ZNF638: variants seen among roughly 807,000 people sequenced by gnomAD.
ZNF638 encodes the protein zinc finger protein 638, also known as CTCL tumor antigen se33-1.
In ZNF638, 46 loss-of-function variants were observed where a neutral mutation model predicts 195.6. The observed-to-expected ratio is 0.24, with a 90% CI of 0.19 to 0.30. The LOEUF is 0.30. ZNF638 is among the 10% of genes least tolerant of loss of function. The pLI, the probability that ZNF638 is intolerant of heterozygous loss-of-function variation, is 1.00. For missense variants in ZNF638, 2,440 were observed against 2,325.3 expected (o/e 1.05, Z -1.01); for synonymous variants, 845 against 772.0 (o/e 1.09, Z -1.57).
chr2:71,335,246 G>GAGA (rs890469592), intron 1 of ZNF638, among the ~76,000 whole-genome samples: 9 of 151,992 alleles, frequency 5.9e-5, no homozygotes, highest in Admixed American at 1.3e-4. Flanking sequence ...TTGCTGTATT[G>GAGA]CCCAGGCTGG....
chr2:71,427,510 C>CAA, intron 24 of ZNF638, 96 bp downstream of exon 24: 1 of 918,406 alleles, frequency 1.1e-6, no homozygotes, highest in Non-Finnish European at 1.5e-6. Flanking sequence ...AATAATGTCA[C>CAA]CCAGTATTGA....
intron 10 of ZNF638, 23 bp downstream of exon 10, chr2:71,380,588 C>T: frequency 6.3e-7 from 1 of 1,575,510 alleles, no homozygotes. Flanking sequence ...TTTTAATATT[C>T]TTTCAAATGA....
At chr2:71,388,359 T>TGACTTTTGATCATCC (rs2079689375) in intron 10 of ZNF638, 2 of 569,620 alleles carry the variant, frequency 3.5e-6, no homozygotes, top group Non-Finnish European at 6.5e-6. Flanking sequence ...TTTGATCATC[T>TGACTTTTGATCATCC]GACCTTTGAT....
chr2:71,398,651 G>A, intron 11 of ZNF638, 50 bp from the exon 12 acceptor site: 1 of 1,389,488 alleles, frequency 7.2e-7, no homozygotes, highest in Non-Finnish European at 1.0e-6. Context: ...TTTGGAGATT[G>A]TTGATACTAG....
Position 71,396,206 on chromosome 2 carries a change from T to G in ZNF638, c.2428+15T>G. On this transcript the variant is annotated intron_variant, in intron 11 of 27. Transcript: ENST00000264447. ...CAAATCTACAGGTATGTTTTTTTAA[T>G]TAGGATTCTAGACTATTAGTTAAAA... 1 of 1,607,086 alleles carries G rather than the reference T, an allele frequency of 6.2e-7. No homozygotes were observed. The highest frequency in any genetic ancestry group is 8.5e-7 in the Non-Finnish European group (1 of 1,176,544).
intron 3 of ZNF638, among the ~76,000 whole-genome samples, chr2:71,356,278 T>A (rs1407182417): frequency 6.6e-6 from 1 of 152,172 alleles, no homozygotes; most frequent in Non-Finnish European, 1.5e-5. Flanking sequence ...TCCCCCTTTT[T>A]CTTCTTAAAG....
Position 71,426,629 on chromosome 2 carries a change from C to T in ZNF638, c.4760C>T (p.Ser1587Phe), listed in dbSNP as rs776970149. The change falls in exon 24 of 28, where the codon TCC (serine) becomes TTC (phenylalanine). Residue 1587 changes from serine to phenylalanine, a missense_variant. By Grantham distance (155) the Ser-to-Phe change is radical (BLOSUM62 -2). Around this residue, in one of 5 missense-constraint regions of ZNF638, gnomAD observed 1,883 missense variants for 1,739.1 expected, o/e 1.08. Coordinates refer to ENST00000264447, the MANE Select transcript of ZNF638 (RefSeq NM_014497.5). ...LNLKKKKGKT[S>F]TPRGVEGELS... ...TTAAAGAAGAAAAAGGGGAAAACTT[C>T]CACTCCTCGTGGTGTTGAGGGAGAA... 3 of 1,614,138 alleles carry T rather than the reference C, an allele frequency of 1.9e-6. No homozygotes were observed. The highest frequency in any genetic ancestry group is 4.5e-5 in the East Asian group (2 of 44,874).
chr2:71,433,427 A>G, intron 27 of ZNF638, 144 bp downstream of exon 27: 1 of 617,530 alleles, frequency 1.6e-6, no homozygotes, highest in Non-Finnish European at 2.8e-6. Context: ...TTTCTCCTTC[A>G]GTGTACCTTG....
Position 71,423,198 on chromosome 2 carries a change from T to C in ZNF638, c.3684T>C (p.Ser1228=). 1 of 1,614,072 alleles carries C rather than the reference T, an allele frequency of 6.2e-7. No homozygotes were observed. Among genetic ancestry groups the C allele is most frequent in the South Asian group, 1.1e-5 (1 of 91,076 alleles). Residue 1228 remains serine, a synonymous_variant, in exon 22 of 28, where the codon AGT becomes AGC. Coordinates refer to ENST00000264447, the MANE Select transcript of ZNF638 (RefSeq NM_014497.5). ...NPKTALLPSD[S]VFAEERNLKG... ...AAACAGCATTGTTACCATCTGACAG[T>C]GTGTTTGCAGAAGAAAGGAACCTCA...
chr2:71,342,278 A>G (rs968401524), intron 1 of ZNF638, among the ~76,000 whole-genome samples: 8 of 151,210 alleles, frequency 5.3e-5, no homozygotes, highest in African/African-American at 1.9e-4. Flanking sequence ...TATTTTGGAA[A>G]TCTTCAGAAA....
chr2:71,387,152 A>T (rs1259116367), intron 10 of ZNF638, among the ~76,000 whole-genome samples: 2 of 152,046 alleles, frequency 1.3e-5, no homozygotes, highest in Non-Finnish European at 2.9e-5. Context: ...AAAGAAAACA[A>T]TGAAAACAGA....
At chr2:71,342,922 T>G (rs115499456) in intron 1 of ZNF638, among the ~76,000 whole-genome samples, 389 of 152,332 alleles carry the variant, frequency 2.6e-3, no homozygotes, top group Admixed American at 5.6e-3. Context: ...AATATGTAGT[T>G]AATAAGTTAT....
intron 10 of ZNF638, chr2:71,395,458 T>C: frequency 3.2e-6 from 2 of 615,830 alleles, no homozygotes; most frequent in South Asian, 2.0e-5. Context: ...GAATAAAGGC[T>C]GAAGGCAGCT....
At chr2:71,406,318 C>G in intron 19 of ZNF638, 56 bp downstream of exon 19, 2 of 1,506,532 alleles carry the variant, frequency 1.3e-6, no homozygotes, top group Non-Finnish European at 1.8e-6. Flanking sequence ...TATAATAACC[C>G]TGTATTCTGA....
rs201030892 is a variant in ZNF638, at chr2:71,427,290, G to A, written c.5421G>A (p.Gly1807=). The change falls in exon 24 of 28, where the codon GGG becomes GGA. Residue 1807 remains glycine (G), a synonymous_variant. Transcript: ENST00000264447. ...SKNDHPTDKK[G]NRKKRAVDTK... Reference sequence around the variant, plus strand: ...ATGACCATCCCACAGATAAAAAAGGGAATAGAAAGAAGAGAGCTGTGGACA... The same window carrying A: ...ATGACCATCCCACAGATAAAAAAGGAAATAGAAAGAAGAGAGCTGTGGACA... The A allele has an allele frequency of 6.2e-7, 1 of 1,613,582 alleles. No individual in the cohort carries two copies. The highest frequency in any genetic ancestry group is 1.7e-5 in the Admixed American group (1 of 59,936).
At position 71,349,819 on chromosome 2, in the gene ZNF638, A is replaced by G; in HGVS notation, c.865A>G (p.Ser289Gly). The change falls in exon 2 of 28, where the codon AGT becomes GGT. Residue 289 changes from serine (S) to glycine (G), a missense_variant. Around this residue, in one of 5 missense-constraint regions of ZNF638, gnomAD observed 305 missense variants for 283.6 expected, o/e 1.08. Coordinates refer to ENST00000264447, the MANE Select transcript of ZNF638 (RefSeq NM_014497.5). The stretch of plus-strand genomic sequence containing the variant: ...TAATCGGTCCTTTTTCTCAGTTGAG[A>G]GTGGAACCAAGATGTCAGGCTTACA... ...SNNRSFFSVE[S>G]GTKMSGLHIS... The G allele has an allele frequency of 1.9e-6, 3 of 1,614,160 alleles. No individual in the cohort carries two copies. The highest frequency in any genetic ancestry group is 1.7e-6 in the Non-Finnish European group (2 of 1,180,032).
intron 10 of ZNF638, among the ~76,000 whole-genome samples, chr2:71,388,219 C>G (rs2079684637): frequency 6.6e-6 from 1 of 152,192 alleles, no homozygotes; most frequent in Non-Finnish European, 1.5e-5. Flanking sequence ...GCTAAATTCT[C>G]TTACCCTGAG....
intron 8 of ZNF638, among the ~76,000 whole-genome samples, chr2:71,378,678 A>C (rs1355148324): frequency 6.6e-6 from 1 of 152,214 alleles, no homozygotes; most frequent in Non-Finnish European, 1.5e-5. Context: ...GGAAAGGGGA[A>C]TAGAAGTACT....
At chr2:71,340,472 G>A (rs2078745081) in intron 1 of ZNF638, among the ~76,000 whole-genome samples, 2 of 152,130 alleles carry the variant, frequency 1.3e-5, no homozygotes, top group Admixed American at 1.3e-4. Flanking sequence ...TAAACAATCA[G>A]CCTCTTCTAT....
Sources: gnomAD v4.1 joint callset for allele counts (sites outside exome capture counted in the v4.1 genomes callset) on GRCh38, gnomAD v4.1.1 for gene constraint, gnomAD v4.1.1 regional missense constraint, MANE v1.5 for transcripts, NCBI Gene and HGNC (gene_info 2026-07-23, HGNC 2026-07-21) for gene names.